The following NF1 variants were observed in gnomAD, a reference collection of about 807,000 sequenced individuals.
NF1 encodes neurofibromin.
Under a neutral mutation model 325.7 loss-of-function variants are expected in NF1, and 122 were observed. That is an observed-to-expected ratio of 0.37 (90% CI 0.32 to 0.44). NF1 has a LOEUF of 0.44. Ranked by LOEUF, NF1 falls within the 20% of genes least tolerant of loss-of-function variation. NF1 has a pLI of 1.00. For missense variants in NF1, 2,140 were observed against 3,415.4 expected (o/e 0.63, Z 9.31); for synonymous variants, 1,091 against 1,186.0 (o/e 0.92, Z 1.65).
At chr17:31,304,855 A>G in intron 36 of NF1, 1 of 1,614,108 alleles carries the variant, frequency 6.2e-7, no homozygotes, top group South Asian at 1.1e-5. Flanking sequence ...ATCCATACAA[A>G]TGTCAGGGGT....
At chr17:31,214,848 A>G (rs1391062313) in intron 13 of NF1, among the ~76,000 whole-genome samples, 1 of 152,134 alleles carries the variant, frequency 6.6e-6, no homozygotes, top group Non-Finnish European at 1.5e-5. Flanking sequence ...ACATACTTTG[A>G]TGAGATCTCT....
At chr17:31,372,432 TGG>T (rs17878501) in intron 57 of NF1, among the ~76,000 whole-genome samples, 66,086 of 151,902 alleles carry the variant, frequency 0.44, 16,735 homozygotes, top group African/African-American at 0.7. Flanking sequence ...AGTCTAATTT[TGG>T]GGGTAAATTT....
intron 33 of NF1, 37 bp downstream of exon 33, chr17:31,259,166 A>G (rs2067641320): frequency 1.4e-6 from 2 of 1,414,104 alleles, no homozygotes; most frequent in Non-Finnish European, 2.0e-6. Context: ...GCTCTGTTTG[A>G]ATCAAATATT....
At chr17:31,281,569 C>G (rs2068118463) in intron 36 of NF1, among the ~76,000 whole-genome samples, 1 of 152,134 alleles carries the variant, frequency 6.6e-6, no homozygotes, top group Non-Finnish European at 1.5e-5. Context: ...CTCACCATTG[C>G]CCCCTTTGCC....
intron 5 of NF1, among the ~76,000 whole-genome samples, chr17:31,176,966 T>G (rs2066034795): frequency 6.6e-6 from 1 of 152,180 alleles, no homozygotes; most frequent in Non-Finnish European, 1.5e-5. Flanking sequence ...TCTTTTTGCT[T>G]AGGATTGTCG....
Position 31,352,322 on chromosome 17 carries a change from A to G in NF1, c.7523A>G (p.Tyr2508Cys), listed in dbSNP as rs762169098. 1.1e-5 allele frequency: 17 copies of G among 1,614,146 alleles called. No individual in the cohort carries two copies. In the South Asian group the frequency reaches 1.5e-4, roughly 15 times the overall value. Residue 2508 changes from tyrosine (Y) to cysteine (C), a missense_variant, in exon 51 of 58, where the codon TAT becomes TGT. Tyr to Cys is a radical substitution (Grantham distance 194). Coordinates refer to ENST00000358273, the MANE Select transcript of NF1 (RefSeq NM_001042492.3). ...KGSEGYLAAT[Y>C]PTVGQTSPRA... ...TCTGAAGGATACCTTGCAGCCACCT[A>G]TCCAACTGTCGGCCAGACCAGTCCC...
intron 1 of NF1, among the ~76,000 whole-genome samples, chr17:31,145,859 A>G (rs1916551658): frequency 6.6e-6 from 1 of 152,216 alleles, no homozygotes; most frequent in South Asian, 2.1e-4. Context: ...TTACCAAGAC[A>G]GGAAACATGG....
At chr17:31,276,290 G>A (rs2068009119) in intron 36 of NF1, among the ~76,000 whole-genome samples, 2 of 151,992 alleles carry the variant, frequency 1.3e-5, no homozygotes, top group South Asian at 2.1e-4. Context: ...ATGTCGGAGG[G>A]CTGGTATCAT....
chr17:31,156,058 A>G lies in NF1; in HGVS notation c.136A>G (p.Ile46Val), dbSNP rs1305573980. Residue 46 changes from isoleucine to valine, a missense_variant, in exon 2 of 58, where the codon ATT (isoleucine) becomes GTT (valine). Coordinates refer to ENST00000358273, the MANE Select transcript of NF1 (RefSeq NM_001042492.3). ...GCACAACAAGGAATGTCTAATCAATATTTCCAAATACAAGTTTTCTTTGGT... is the reference window on the plus strand; with the variant it reads ...GCACAACAAGGAATGTCTAATCAATGTTTCCAAATACAAGTTTTCTTTGGT... ...TEHNKECLINISKYKFSLVIS... is the reference protein window; with the variant it reads ...TEHNKECLINVSKYKFSLVIS... 6 of 1,613,700 alleles carry G rather than the reference A, an allele frequency of 3.7e-6. No homozygotes were observed. Among genetic ancestry groups the G allele is most frequent in the Non-Finnish European group, 5.1e-6 (6 of 1,179,806 alleles).
At chr17:31,121,570 T>C (rs1276217080) in intron 1 of NF1, among the ~76,000 whole-genome samples, 3 of 152,064 alleles carry the variant, frequency 2.0e-5, no homozygotes, top group Admixed American at 6.6e-5. Context: ...TTGTTATAAA[T>C]AGCTCTTATT....
chr17:31,108,394 C>A (rs1182411547), intron 1 of NF1, among the ~76,000 whole-genome samples: 1 of 150,478 alleles, frequency 6.6e-6, no homozygotes, highest in Non-Finnish European at 1.5e-5. Flanking sequence ...CTCTCTCAGC[C>A]TCCCGAGTAG....
intron 27 of NF1, among the ~76,000 whole-genome samples, 163 bp from the exon 28 acceptor site, chr17:31,235,448 A>G (rs1387980793): frequency 1.3e-5 from 2 of 152,206 alleles, no homozygotes; most frequent in Non-Finnish European, 2.9e-5. Flanking sequence ...ATCATAAACA[A>G]TGTACACTGT....
At chr17:31,302,052 T>C (rs2068584346) in intron 36 of NF1, among the ~76,000 whole-genome samples, 1 of 152,230 alleles carries the variant, frequency 6.6e-6, no homozygotes, top group Admixed American at 6.5e-5. Context: ...ACTGTTTGGC[T>C]GCTCAGCTTC....
intron 29 of NF1, among the ~76,000 whole-genome samples, chr17:31,236,408 A>G (rs2067204698): frequency 1.3e-5 from 2 of 151,712 alleles, no homozygotes; most frequent in East Asian, 3.9e-4. Flanking sequence ...AAAGAGGCTA[A>G]TAGGTAATGC....
At chr17:31,228,414 A>G (rs1300596553) in intron 20 of NF1, among the ~76,000 whole-genome samples, 1 of 152,198 alleles carries the variant, frequency 6.6e-6, no homozygotes, top group African/African-American at 2.4e-5. Context: ...TAGCTTTAGA[A>G]TGAAAGCTTT....
intron 24 of NF1, 48 bp downstream of exon 24, chr17:31,230,973 T>C: frequency 1.5e-6 from 2 of 1,328,316 alleles, no homozygotes. Flanking sequence ...ACTGTGAGAG[T>C]TATAACTACT....
At chr17:31,162,699 G>T (rs906907758) in intron 3 of NF1, among the ~76,000 whole-genome samples, 3 of 152,204 alleles carry the variant, frequency 2.0e-5, no homozygotes, top group African/African-American at 7.2e-5. Context: ...ACTTTGAAAA[G>T]ATTTCAACCA....
chr17:31,160,893 A>G lies in NF1; in HGVS notation c.288+1800A>G, dbSNP rs144699088. On this transcript the variant is annotated intron_variant, in intron 3 of 57. Transcript: ENST00000358273. The stretch of plus-strand genomic sequence containing the variant: ...CTAGTATAACTTATGTAATGCATAA[A>G]ATGTATATTATCTTGCCGTGCTCTA... Among the ~76,000 whole-genome samples the G allele has an allele frequency of 2.6e-5, 4 of 152,352 alleles. 1 individual carries two copies. The highest frequency in any genetic ancestry group is 9.6e-5 in the African/African-American group (4 of 41,578).
chr17:31,285,897 C>T (rs921578524), intron 36 of NF1, among the ~76,000 whole-genome samples: 5 of 152,080 alleles, frequency 3.3e-5, no homozygotes, highest in Non-Finnish European at 5.9e-5. Context: ...TTTTCAGTAA[C>T]GATGGTATCA....
Sources: allele counts gnomAD v4.1 joint callset (sites outside exome capture counted in the v4.1 genomes callset), GRCh38; gene constraint gnomAD v4.1.1; transcripts MANE v1.5; gene names NCBI Gene and HGNC (gene_info 2026-07-23, HGNC 2026-07-21).